WDPCP: variants seen among roughly 807,000 people sequenced by gnomAD.
The protein encoded by WDPCP is WD repeat containing planar cell polarity effector, also known as WD repeat-containing and planar cell polarity effector protein fritz homolog.
A neutral mutation model predicts 93.1 loss-of-function variants in WDPCP; 71 were observed. The observed-to-expected ratio is 0.76, with a 90% CI of 0.63 to 0.93. The LOEUF (loss-of-function observed/expected upper bound fraction) is 0.93, where lower values mean the gene tolerates loss of function less well. Among genes scored for constraint, WDPCP ranks in the 40% least tolerant of loss-of-function variants. WDPCP has a pLI of 0.00. For missense variants in WDPCP, 844 were observed against 887.4 expected (o/e 0.95, Z 0.62); for synonymous variants, 315 against 315.0 (o/e 1.00, Z 0.00).
chr2:63,612,681 GGCTGGTTTTTT>G (rs1398984998), intron 3 of WDPCP, among the ~76,000 whole-genome samples: 1 of 151,992 alleles, frequency 6.6e-6, no homozygotes, highest in African/African-American at 2.4e-5. Flanking sequence ...CATCTAAATG[GGCTGGTTTTTT>G]GTGAAGATGC....
intron 1 of WDPCP, among the ~76,000 whole-genome samples, chr2:63,584,443 G>A (rs1188685935): frequency 2.0e-5 from 3 of 151,442 alleles, no homozygotes; most frequent in African/African-American, 7.3e-5. Flanking sequence ...TTGTATTTTT[G>A]ATGCTCATCC....
At chr2:63,579,156 C>T (rs574363546) in intron 1 of WDPCP, among the ~76,000 whole-genome samples, 2 of 152,238 alleles carry the variant, frequency 1.3e-5, no homozygotes, top group East Asian at 3.9e-4. Flanking sequence ...TAAGTCTTCT[C>T]CAACAGTGCC....
intron 14 of WDPCP, chr2:63,232,887 G>T: frequency 1.1e-5 from 2 of 183,610 alleles, no homozygotes; most frequent in East Asian, 1.5e-4. Flanking sequence ...GGTTGTACGG[G>T]AGGAATATGG....
chr2:63,799,428 T>G (rs544277083), intron 2 of WDPCP, among the ~76,000 whole-genome samples: 2 of 152,232 alleles, frequency 1.3e-5, no homozygotes, highest in Non-Finnish European at 2.9e-5. Context: ...ATCTCAGAGT[T>G]AGTGGCAGTT....
chr2:63,319,868 G>A (rs1686953523), intron 12 of WDPCP, among the ~76,000 whole-genome samples: 1 of 152,154 alleles, frequency 6.6e-6, no homozygotes, highest in African/African-American at 2.4e-5. Flanking sequence ...AAAAAAGCAT[G>A]TCTCAATACA....
At chr2:63,709,045 A>G (rs1420114322) in intron 2 of WDPCP, among the ~76,000 whole-genome samples, 1 of 117,662 alleles carries the variant, frequency 8.5e-6, no homozygotes, top group African/African-American at 3.4e-5. Context: ...ACATGGTGAA[A>G]CCCTGTCTCT....
chr2:63,631,776 C>T (rs1162117879), intron 3 of WDPCP, among the ~76,000 whole-genome samples: 1 of 152,172 alleles, frequency 6.6e-6, no homozygotes. Context: ...GCCATTGTAA[C>T]CCCAAGTGGC....
At chr2:63,568,363 A>T (rs992705878) in intron 1 of WDPCP, among the ~76,000 whole-genome samples, 3 of 152,024 alleles carry the variant, frequency 2.0e-5, no homozygotes, top group African/African-American at 2.4e-5. Context: ...AACAAAAAAA[A>T]ACCTCTCTCT....
rs10178263 is a variant in WDPCP, at chr2:63,610,846, C to G, written n.488+39813G>C. ...CAGTGGCTCATGCCTGTAATCTCAG[C>G]ACTTTGGGGGACCCAGGCAGGCAGA... On this transcript the variant is annotated intron_variant and non_coding_transcript_variant, in intron 3 of 4. Transcript: ENST00000467687. Among the ~76,000 whole-genome samples the G allele has an allele frequency of 2.0e-3, 297 of 152,284 alleles. 2 individuals carry two copies. Among genetic ancestry groups the G allele is most frequent in the Middle Eastern group, 0.01 (3 of 294 alleles).
intron 2 of WDPCP, among the ~76,000 whole-genome samples, chr2:63,720,289 C>T (rs928909746): frequency 1.3e-5 from 2 of 151,690 alleles, no homozygotes; most frequent in African/African-American, 2.4e-5. Context: ...TGGCGGTGTG[C>T]GCCTGTAGTC....
chr2:63,664,407 G>A (rs1710261723), intron 2 of WDPCP, among the ~76,000 whole-genome samples: 1 of 152,226 alleles, frequency 6.6e-6, no homozygotes, highest in African/African-American at 2.4e-5. Context: ...CTGCCAATAT[G>A]TGGGATTGGG....
chr2:63,735,566 G>C (rs2103838201), intron 2 of WDPCP, among the ~76,000 whole-genome samples: 1 of 152,268 alleles, frequency 6.6e-6, no homozygotes, highest in Middle Eastern at 3.4e-3. Flanking sequence ...AGGTTTTTGA[G>C]CAGGGAAGTA....
At chr2:63,277,219 TAA>T (rs35296098) in intron 13 of WDPCP, among the ~76,000 whole-genome samples, 122,695 of 151,378 alleles carry the variant, frequency 0.81, 50,390 homozygotes, top group East Asian at 0.96. Context: ...CAAGAACTGC[TAA>T]AAAAAAAAGC....
At chr2:63,306,215 C>G (rs979489483) in intron 13 of WDPCP, among the ~76,000 whole-genome samples, 3 of 152,118 alleles carry the variant, frequency 2.0e-5, no homozygotes, top group African/African-American at 7.2e-5. Flanking sequence ...CTGAATAGAC[C>G]AATAACAAGT....
intron 2 of WDPCP, among the ~76,000 whole-genome samples, chr2:63,806,178 G>A (rs565027665): frequency 2.6e-5 from 4 of 152,266 alleles, no homozygotes; most frequent in Admixed American, 2.0e-4. Flanking sequence ...TGATATTCAC[G>A]TAGGTTCTTT....
intron 14 of WDPCP, among the ~76,000 whole-genome samples, chr2:63,187,165 A>G (rs1674704932): frequency 6.6e-6 from 1 of 152,108 alleles, no homozygotes; most frequent in South Asian, 2.1e-4. Flanking sequence ...ATTCTGCCTC[A>G]TATTAGTATA....
At chr2:63,808,735 C>T (rs1670812133) in intron 2 of WDPCP, among the ~76,000 whole-genome samples, 1 of 152,172 alleles carries the variant, frequency 6.6e-6, no homozygotes, top group South Asian at 2.1e-4. Flanking sequence ...CCCAAAGTGC[C>T]GAGATTGCAG....
At chr2:63,207,246 T>C (rs1282413526) in intron 14 of WDPCP, among the ~76,000 whole-genome samples, 12 of 152,220 alleles carry the variant, frequency 7.9e-5, no homozygotes, top group Non-Finnish European at 5.9e-5. Flanking sequence ...ATGGTTTGAC[T>C]GTGTGTCCTC....
rs550142463 is a variant in WDPCP, at chr2:63,296,198, T to C, written c.1812+17050A>G. ...ATTAAAAACAAAAACCATATGATCA[T>C]CTCAGTAGATGCAAAAAAAAAAAAA... On this transcript the variant is annotated intron_variant, in intron 13 of 17. Transcript: ENST00000272321. 4.6e-3 allele frequency among the ~76,000 whole-genome samples: 597 copies of C among 129,830 alleles called. 4 individuals are homozygous for C. Among genetic ancestry groups the C allele is most frequent in the Middle Eastern group, 0.022 (6 of 268 alleles). The allele number at this position is 129,830 out of a possible 152,430, so 85.2% of individuals were successfully genotyped here.
Sources: allele counts gnomAD v4.1 joint callset (sites outside exome capture counted in the v4.1 genomes callset), GRCh38; gene constraint gnomAD v4.1.1; transcripts MANE v1.5; gene names NCBI Gene and HGNC (gene_info 2026-07-23, HGNC 2026-07-21).